The following ALK variants were observed in gnomAD, a reference collection of about 807,000 sequenced individuals.
ALK encodes the protein ALK receptor tyrosine kinase.
A neutral mutation model predicts 163.1 loss-of-function variants in ALK; 74 were observed. The observed-to-expected ratio is 0.45, with a 90% CI of 0.38 to 0.55. The LOEUF (loss-of-function observed/expected upper bound fraction) is 0.55. ALK is among the 20% of genes least tolerant of loss of function. The pLI, the probability that ALK is intolerant of heterozygous loss-of-function variation, is 0.00. For missense variants in ALK, 2,063 were observed against 2,105.3 expected, an observed-to-expected ratio of 0.98 and a Z score of 0.39; for synonymous variants, 960 against 843.2, an observed-to-expected ratio of 1.14 and a Z score of -2.40.
intron 4 of ALK, among the ~76,000 whole-genome samples, chr2:29,512,828 A>C (rs1672560027): frequency 6.6e-6 from 1 of 150,952 alleles, no homozygotes; most frequent in Non-Finnish European, 1.5e-5. Flanking sequence ...ATGTACAAAA[A>C]TCACAAGCAT....
chr2:29,688,648 G>A (rs769470391), intron 3 of ALK, among the ~76,000 whole-genome samples: 7 of 152,072 alleles, frequency 4.6e-5, no homozygotes, highest in African/African-American at 9.7e-5. Flanking sequence ...TAGATCATCC[G>A]GTTTGAAACA....
At chr2:29,662,875 T>C (rs1180072590) in intron 3 of ALK, among the ~76,000 whole-genome samples, 2 of 152,188 alleles carry the variant, frequency 1.3e-5, no homozygotes, top group African/African-American at 4.8e-5. Context: ...ATCTTTTTGA[T>C]AAAAATATGA....
intron 1 of ALK, among the ~76,000 whole-genome samples, chr2:29,804,477 A>T (rs1291591643): frequency 1.3e-5 from 2 of 152,222 alleles, no homozygotes; most frequent in African/African-American, 2.4e-5. Context: ...GACTGTAACC[A>T]TTTAAAAGTA....
intron 5 of ALK, among the ~76,000 whole-genome samples, chr2:29,346,192 A>G (rs947381806): frequency 3.3e-5 from 5 of 152,156 alleles, no homozygotes; most frequent in African/African-American, 1.2e-4. Context: ...CTGTATTTCT[A>G]TTCACAAAAC....
intron 1 of ALK, among the ~76,000 whole-genome samples, chr2:29,732,398 A>G (rs1367486345): frequency 6.6e-6 from 1 of 152,146 alleles, no homozygotes; most frequent in Non-Finnish European, 1.5e-5. Context: ...GCCAAGAACT[A>G]TTGTCACAAA....
At chr2:29,832,778 T>A (rs889886401) in intron 1 of ALK, among the ~76,000 whole-genome samples, 8 of 152,186 alleles carry the variant, frequency 5.3e-5, no homozygotes, top group African/African-American at 1.9e-4. Context: ...GCACTGCCCA[T>A]CTTCATGGGT....
chr2:29,266,742 T>C (rs910156144), intron 11 of ALK, among the ~76,000 whole-genome samples: 9 of 152,202 alleles, frequency 5.9e-5, no homozygotes, highest in Non-Finnish European at 1.3e-4. Flanking sequence ...TGTCTTGCTA[T>C]TGCCTGGCAC....
In ALK at chr2:29,193,108, AG is replaced by A; in HGVS notation, c.*115del. 8.5e-7 allele frequency: 1 copy of A among 1,172,818 alleles called. No homozygotes were observed. Among genetic ancestry groups the A allele is most frequent in the South Asian group, 1.3e-5 (1 of 75,676 alleles). 72.7% of individuals were successfully genotyped at this position (1,172,818 alleles called of 1,614,324 possible). On this transcript the variant is annotated 3_prime_UTR_variant, in exon 29 of 29. Transcript: ENST00000389048. ...AGCTTTTTTGGTGGTACTTCAAAAT[AG>A]GTTGGCACAAAACAAAACGTGACAT...
At chr2:29,251,360 G>A in intron 11 of ALK, 93 bp from the exon 12 acceptor site, 1 of 1,311,610 alleles carries the variant, frequency 7.6e-7, no homozygotes, top group Non-Finnish European at 1.1e-6. Flanking sequence ...TCTGCTCCAT[G>A]GCCCCAAACC....
At chr2:29,291,617 A>G (rs1459735691) in intron 9 of ALK, among the ~76,000 whole-genome samples, 1 of 152,246 alleles carries the variant, frequency 6.6e-6, no homozygotes, top group African/African-American at 2.4e-5. Flanking sequence ...TACTTGTTAC[A>G]TGACTGGCAG....
chr2:29,232,241 C>T, intron 15 of ALK, 63 bp downstream of exon 15: 1 of 1,608,604 alleles, frequency 6.2e-7, no homozygotes. Flanking sequence ...CATGCGATGG[C>T]ATCGGGGCCC....
chr2:29,768,763 A>G (rs1680935796), intron 1 of ALK, among the ~76,000 whole-genome samples: 2 of 150,292 alleles, frequency 1.3e-5, no homozygotes, highest in South Asian at 4.2e-4. Context: ...ATATGTGCCT[A>G]TAAGCAAATA....
chr2:29,579,509 T>C (rs1396391746), intron 3 of ALK, among the ~76,000 whole-genome samples: 1 of 152,222 alleles, frequency 6.6e-6, no homozygotes, highest in Non-Finnish European at 1.5e-5. Context: ...TTGATTTTTA[T>C]GTGCATTGTT....
intron 1 of ALK, among the ~76,000 whole-genome samples, chr2:29,796,958 A>T (rs1664328227): frequency 6.6e-6 from 1 of 151,862 alleles, no homozygotes; most frequent in African/African-American, 2.4e-5. Flanking sequence ...CAAAAATTAC[A>T]TACATATATA....
chr2:29,305,662 T>C lies in ALK; in HGVS notation c.1648-8605A>G, dbSNP rs143688726. Among the ~76,000 whole-genome samples the C allele has an allele frequency of 4.3e-3, 647 of 152,224 alleles. 4 individuals carry two copies. The highest frequency in any genetic ancestry group is 0.015 in the African/African-American group (626 of 41,538). ...CAAGGTTCTGGTCCAAAAACACCCT[T>C]AGAATTCCATCTTAAGACCTATTTC... On this transcript the variant is annotated intron_variant, in intron 8 of 28. Transcript: ENST00000389048.
chr2:29,867,991 C>T (rs530340022), intron 1 of ALK, among the ~76,000 whole-genome samples: 6 of 152,238 alleles, frequency 3.9e-5, no homozygotes, highest in Admixed American at 6.5e-5. Flanking sequence ...CCTGCATAAT[C>T]GGGTGGAGAG....
At chr2:29,519,607 C>T (rs183751184) in intron 4 of ALK, among the ~76,000 whole-genome samples, 149 of 152,262 alleles carry the variant, frequency 9.8e-4, no homozygotes, top group African/African-American at 3.3e-3. Flanking sequence ...GGAGACTGTC[C>T]GTAAGTTAGA....
intron 3 of ALK, among the ~76,000 whole-genome samples, chr2:29,645,125 T>A (rs1676834727): frequency 6.6e-6 from 1 of 152,134 alleles, no homozygotes; most frequent in African/African-American, 2.4e-5. Context: ...TCTTCTCTTT[T>A]GTAATATTTT....
chr2:29,289,719 T>C (rs1665968074), intron 9 of ALK, among the ~76,000 whole-genome samples: 1 of 152,200 alleles, frequency 6.6e-6, no homozygotes, highest in South Asian at 2.1e-4. Flanking sequence ...AGGTCTACTC[T>C]GGGGTAAGTT....
Sources: allele counts gnomAD v4.1 joint callset (sites outside exome capture counted in the v4.1 genomes callset), GRCh38; gene constraint gnomAD v4.1.1; transcripts MANE v1.5; gene names NCBI Gene and HGNC (gene_info 2026-07-23, HGNC 2026-07-21).